Variants in ADAMTSL1 observed in about 807,000 individuals in gnomAD.
The protein encoded by ADAMTSL1 is ADAMTS-like protein 1.
ADAMTSL1 carries 126 observed loss-of-function variants against 201.8 expected under a neutral mutation model. The ratio of observed to expected loss-of-function variants is 0.62; its 90% CI spans 0.54 to 0.72. The LOEUF (loss-of-function observed/expected upper bound fraction) is 0.72. Ranked by LOEUF, ADAMTSL1 falls within the 30% of genes least tolerant of loss-of-function variation. ADAMTSL1 has a pLI of 0.00. For missense variants in ADAMTSL1, 2,679 were observed against 2,277.8 expected, an observed-to-expected ratio of 1.18 and a Z score of -3.59; for synonymous variants, 1,121 against 903.4, an observed-to-expected ratio of 1.24 and a Z score of -4.32.
intron 2 of ADAMTSL1, among the ~76,000 whole-genome samples, chr9:18,434,563 G>T (rs1261870655): frequency 6.6e-6 from 1 of 152,192 alleles, no homozygotes; most frequent in Non-Finnish European, 1.5e-5. Flanking sequence ...TAAAGATTTT[G>T]AAGAAAATAA....
At chr9:18,137,629 C>G (rs2131991041) in intron 1 of ADAMTSL1, among the ~76,000 whole-genome samples, 1 of 152,144 alleles carries the variant, frequency 6.6e-6, no homozygotes, top group East Asian at 1.9e-4. Flanking sequence ...TATATAACGA[C>G]TTCGGAGAAA....
chr9:18,573,922 A>T lies in ADAMTSL1; in HGVS notation c.238-108A>T, dbSNP rs1361329565. Reference sequence around the variant, plus strand: ...ATAAGTTCCATCTATCATGACCAGGACATTTGTTTTGCTTTCTAAGACCTA... The same window carrying T: ...ATAAGTTCCATCTATCATGACCAGGTCATTTGTTTTGCTTTCTAAGACCTA... On this transcript the variant is annotated intron_variant, in intron 3 of 28. Transcript: ENST00000380548. The T allele has an allele frequency of 3.8e-6, 3 of 780,536 alleles. No homozygotes were observed. In the African/African-American group the frequency reaches 5.2e-5, roughly 14 times the overall value. 48.4% of individuals were successfully genotyped at this position (780,536 alleles called of 1,614,324 possible). A position where few individuals can be genotyped will look rare whatever the true frequency, so the allele number is the denominator to read the frequency against.
At chr9:18,584,295 C>T (rs1823322719) in intron 4 of ADAMTSL1, among the ~76,000 whole-genome samples, 1 of 152,146 alleles carries the variant, frequency 6.6e-6, no homozygotes, top group Non-Finnish European at 1.5e-5. Flanking sequence ...AGAGGAGTTT[C>T]TCTGCACAAG....
chr9:18,044,575 T>G (rs1821577607), intron 1 of ADAMTSL1, among the ~76,000 whole-genome samples: 2 of 152,152 alleles, frequency 1.3e-5, no homozygotes, highest in African/African-American at 4.8e-5. Context: ...ACCACTTCCT[T>G]TAGCATCTTA....
At chr9:18,226,733 G>T (rs558367737) in intron 2 of ADAMTSL1, among the ~76,000 whole-genome samples, 31 of 152,128 alleles carry the variant, frequency 2.0e-4, no homozygotes, top group African/African-American at 7.2e-4. Context: ...GGGCCAGTTT[G>T]TCCACTAGAT....
chr9:18,342,834 A>G (rs1218604952), intron 2 of ADAMTSL1, among the ~76,000 whole-genome samples: 3 of 152,108 alleles, frequency 2.0e-5, no homozygotes, highest in African/African-American at 2.4e-5. Context: ...AAGAAACTGG[A>G]CTCAAGAAAG....
chr9:18,725,439 G>T (rs1235495711), intron 15 of ADAMTSL1, among the ~76,000 whole-genome samples: 5 of 152,128 alleles, frequency 3.3e-5, no homozygotes, highest in Non-Finnish European at 7.4e-5. Context: ...GACCATTTTT[G>T]CTTGTGAGCT....
chr9:18,766,408 G>T (rs895770674), intron 16 of ADAMTSL1, among the ~76,000 whole-genome samples: 22 of 152,154 alleles, frequency 1.4e-4, no homozygotes, highest in African/African-American at 5.3e-4. Context: ...CTCTTGCTAT[G>T]GTGTGGAGAA....
chr9:18,288,460 C>T (rs1206578711), intron 2 of ADAMTSL1, among the ~76,000 whole-genome samples: 1 of 152,144 alleles, frequency 6.6e-6, no homozygotes, highest in African/African-American at 2.4e-5. Context: ...CTTAGAAGGA[C>T]TTCCTTTAAA....
chr9:18,795,869 A>T (rs10116545), intron 20 of ADAMTSL1, among the ~76,000 whole-genome samples: 38,630 of 152,032 alleles, frequency 0.25, 5,014 homozygotes, highest in Admixed American at 0.31. Flanking sequence ...TGTGAATTAT[A>T]ATCATTGAAG....
intron 3 of ADAMTSL1, among the ~76,000 whole-genome samples, chr9:18,552,615 T>C (rs1820855940): frequency 1.3e-5 from 2 of 151,772 alleles, no homozygotes; most frequent in Admixed American, 6.6e-5. Flanking sequence ...TTTAAAATAC[T>C]TGAGAGAATG....
chr9:18,771,946 C>A (rs750109421), intron 17 of ADAMTSL1, among the ~76,000 whole-genome samples: 2 of 152,130 alleles, frequency 1.3e-5, no homozygotes, highest in African/African-American at 2.4e-5. Context: ...ACTTACATTA[C>A]GACAGGTTTT....
At chr9:18,718,086 T>C (rs538076993) in intron 14 of ADAMTSL1, 1 of 1,417,450 alleles carries the variant, frequency 7.1e-7, no homozygotes, top group African/African-American at 1.4e-5. Context: ...TTGAATTTTG[T>C]AGAAGAATCT....
chr9:18,795,567 T>C (rs779631832), intron 20 of ADAMTSL1, 43 bp downstream of exon 20: 9 of 1,558,744 alleles, frequency 5.8e-6, no homozygotes, highest in African/African-American at 2.7e-5. Context: ...TAAACCTTTA[T>C]TGAATGAGTG....
intron 2 of ADAMTSL1, among the ~76,000 whole-genome samples, chr9:18,234,423 G>C (rs191091869): frequency 1.3e-3 from 199 of 151,350 alleles, no homozygotes; most frequent in African/African-American, 4.5e-3. Context: ...TGAGCTTCTG[G>C]TGTTCTAGAT....
chr9:18,295,140 C>A (rs769441968), intron 2 of ADAMTSL1, among the ~76,000 whole-genome samples: 4 of 152,010 alleles, frequency 2.6e-5, no homozygotes, highest in Non-Finnish European at 4.4e-5. Context: ...ATAACATGGT[C>A]ACTATAGAAT....
chr9:18,077,556 C>A (rs922436113), intron 1 of ADAMTSL1, among the ~76,000 whole-genome samples: 1 of 152,068 alleles, frequency 6.6e-6, no homozygotes, highest in Non-Finnish European at 1.5e-5. Context: ...GATAAGTTAT[C>A]GGTGATCTCA....
intron 3 of ADAMTSL1, among the ~76,000 whole-genome samples, chr9:18,569,357 C>G (rs956018348): frequency 6.6e-6 from 1 of 152,074 alleles, no homozygotes; most frequent in African/African-American, 2.4e-5. Context: ...GCTTAAAACT[C>G]GGGGAGAGAA....
intron 2 of ADAMTSL1, among the ~76,000 whole-genome samples, chr9:18,386,241 C>A (rs1332609986): frequency 2.6e-5 from 4 of 152,004 alleles, no homozygotes; most frequent in Admixed American, 6.6e-5. Context: ...GGAAAATGAT[C>A]ACTGGTTTAC....
Sources: allele counts gnomAD v4.1 joint callset (sites outside exome capture counted in the v4.1 genomes callset), GRCh38; gene constraint gnomAD v4.1.1; transcripts MANE v1.5; gene names NCBI Gene and HGNC (gene_info 2026-07-23, HGNC 2026-07-21).